ARHGAP39: variants seen among roughly 807,000 people sequenced by gnomAD.
ARHGAP39 encodes the protein Rho GTPase activating protein 39, also known as rho GTPase-activating protein 39.
Under a neutral mutation model 106.9 loss-of-function variants are expected in ARHGAP39, and 44 were observed. That is an observed-to-expected ratio of 0.41 (90% confidence interval 0.32 to 0.53). ARHGAP39 has a LOEUF of 0.53. ARHGAP39 is among the 20% of genes least tolerant of loss of function. The probability of loss-of-function intolerance (pLI) is 0.21; values close to 1 mark genes in which losing one functional copy is unlikely to be tolerated. For synonymous variants in ARHGAP39, 768 were observed against 693.2 expected (o/e 1.11, Z -1.69); for missense variants, 1,496 against 1,577.3 (o/e 0.95, Z 0.87).
intron 2 of ARHGAP39, among the ~76,000 whole-genome samples, chr8:144,581,670 C>T (rs2130901717): frequency 6.6e-6 from 1 of 152,344 alleles, no homozygotes; most frequent in African/African-American, 2.4e-5. Flanking sequence ...TCCGCTGCAA[C>T]TGGACCGCCA....
intron 1 of ARHGAP39, among the ~76,000 whole-genome samples, chr8:144,677,909 G>A (rs972866715): frequency 5.3e-5 from 8 of 152,148 alleles, no homozygotes; most frequent in Admixed American, 5.2e-4. Flanking sequence ...GAGAATCTGT[G>A]AGAATCAAGA....
chr8:144,539,416 C>T (rs61434802), intron 6 of ARHGAP39, among the ~76,000 whole-genome samples: 4,211 of 152,190 alleles, frequency 0.028, 191 homozygotes, highest in African/African-American at 0.097. Flanking sequence ...TTGACGAAGT[C>T]CAATTTATCC....
chr8:144,605,317 G>A (rs1820242398), intron 2 of ARHGAP39, among the ~76,000 whole-genome samples: 1 of 152,166 alleles, frequency 6.6e-6, no homozygotes, highest in Admixed American at 6.5e-5. Context: ...AGAGAAAAAC[G>A]ACGAATCATG....
At chr8:144,624,580 T>C (rs1315331379) in intron 1 of ARHGAP39, among the ~76,000 whole-genome samples, 121 of 122,398 alleles carry the variant, frequency 9.9e-4, no homozygotes, top group East Asian at 6.4e-3. Flanking sequence ...CACGGAGCAC[T>C]CACTGCACAC....
intron 6 of ARHGAP39, among the ~76,000 whole-genome samples, chr8:144,539,867 A>G (rs1465093370): frequency 6.6e-6 from 1 of 152,218 alleles, no homozygotes; most frequent in Non-Finnish European, 1.5e-5. Context: ...GGTTTTGGCT[A>G]TTCTAGGTCC....
chr8:144,688,526 G>A (rs777265522), upstream of ARHGAP39, among the ~76,000 whole-genome samples: 13 of 152,206 alleles, frequency 8.5e-5, no homozygotes, highest in Admixed American at 4.6e-4. Context: ...GTGGAGGAAC[G>A]CTTGAGATCA....
intron 1 of ARHGAP39, among the ~76,000 whole-genome samples, chr8:144,624,094 C>T (rs1422271782): frequency 6.6e-6 from 1 of 152,198 alleles, no homozygotes; most frequent in African/African-American, 2.4e-5. Context: ...CACCAGCACG[C>T]AGGCCTCCCG....
At chr8:144,612,102 C>T (rs1197088407) in intron 1 of ARHGAP39, among the ~76,000 whole-genome samples, 1 of 152,232 alleles carries the variant, frequency 6.6e-6, no homozygotes, top group Non-Finnish European at 1.5e-5. Flanking sequence ...CACTGCACTC[C>T]AGACAGGGCA....
chr8:144,652,457 C>A (rs1300962782), intron 1 of ARHGAP39, among the ~76,000 whole-genome samples: 1 of 152,124 alleles, frequency 6.6e-6, no homozygotes, highest in Non-Finnish European at 1.5e-5. Context: ...GATACATGCA[C>A]ATGAATGTTC....
intron 10 of ARHGAP39, 92 bp downstream of exon 10, chr8:144,532,213 A>G: frequency 1.9e-6 from 2 of 1,065,364 alleles, no homozygotes; most frequent in Non-Finnish European, 2.8e-6. Context: ...ACTGGGCAGG[A>G]TCAGGGTGGA....
At chr8:144,661,687 T>C (rs1821826286) in intron 1 of ARHGAP39, among the ~76,000 whole-genome samples, 1 of 152,098 alleles carries the variant, frequency 6.6e-6, no homozygotes, top group Non-Finnish European at 1.5e-5. Context: ...TACAAATGAA[T>C]GAATGAACGA....
At chr8:144,695,158 T>C in the ARHGAP39 span, among the ~76,000 whole-genome samples, 3 of 144,128 alleles carry the variant, frequency 2.1e-5, no homozygotes, top group African/African-American at 7.8e-5. Context: ...TACTGCAAGC[T>C]CCGCCTCCCG....
intron 1 of ARHGAP39, among the ~76,000 whole-genome samples, chr8:144,665,165 C>T (rs1821931131): frequency 6.6e-6 from 1 of 152,200 alleles, no homozygotes; most frequent in Non-Finnish European, 1.5e-5. Flanking sequence ...CATTTTGCCC[C>T]TGCCCTAGAG....
At chr8:144,617,351 G>A (rs1342377791) in intron 1 of ARHGAP39, among the ~76,000 whole-genome samples, 1 of 152,144 alleles carries the variant, frequency 6.6e-6, no homozygotes, top group Non-Finnish European at 1.5e-5. Flanking sequence ...CGGGACAAGC[G>A]GCGCAGCACC....
chr8:144,596,093 C>CA (rs1819610691), intron 2 of ARHGAP39, among the ~76,000 whole-genome samples: 2 of 152,206 alleles, frequency 1.3e-5, no homozygotes. Context: ...ACAAAGGAGA[C>CA]AGAGGCCCCG....
intron 1 of ARHGAP39, among the ~76,000 whole-genome samples, chr8:144,677,127 T>G (rs1822263163): frequency 6.6e-6 from 1 of 152,376 alleles, no homozygotes; most frequent in Non-Finnish European, 1.5e-5. Flanking sequence ...TTCCTTTTAT[T>G]GCCAAATAAT....
intron 1 of ARHGAP39, among the ~76,000 whole-genome samples, chr8:144,657,547 C>G (rs564368373): frequency 6.6e-6 from 1 of 152,166 alleles, no homozygotes; most frequent in Non-Finnish European, 1.5e-5. Flanking sequence ...ACAAAGAAAA[C>G]TACAGACCAA....
rs767156836 is a variant in ARHGAP39, at chr8:144,555,661, G to A, written c.513-18C>T. On this transcript the variant is annotated intron_variant, in intron 3 of 11. Coordinates refer to ENST00000377307, the MANE Select transcript of ARHGAP39 (RefSeq NM_025251.3). ...GTGAAGAGCTGAAACACAGTAAAAT[G>A]AAAGAAATATGAATATAAGTGCAAT... is the stretch of plus-strand genomic sequence containing the variant. 7 of 1,603,712 alleles carry A rather than the reference G, an allele frequency of 4.4e-6. No homozygotes were observed. In the Admixed American group the frequency reaches 1.2e-4, roughly 27 times the overall value.
In ARHGAP39 at chr8:144,545,278, C is replaced by T. The variant is rs993549396; in HGVS notation, c.2492G>A (p.Arg831Gln). Residue 831 changes from arginine to glutamine, a missense_variant, in exon 6 of 12, where the codon CGG becomes CAG. By Grantham distance (43) the Arg-to-Gln change is conservative. Transcript: ENST00000377307. ...AGTGTCATTGACGGGGTCCATGTGC[C>T]GGTAGATGTAGCCTTCCAGGTAGGA... ...FHSYLEGYIYRHMDPVNDTKV... is the reference protein window; with the variant it reads ...FHSYLEGYIYQHMDPVNDTKV... The T allele has an allele frequency of 1.0e-5, 16 of 1,556,598 alleles. No homozygotes were observed. The highest frequency in any genetic ancestry group is 8.2e-5 in the African/African-American group (6 of 73,202).
Sources: gnomAD v4.1 joint callset for allele counts (sites outside exome capture counted in the v4.1 genomes callset) on GRCh38, gnomAD v4.1.1 for gene constraint, MANE v1.5 for transcripts, NCBI Gene and HGNC (gene_info 2026-07-23, HGNC 2026-07-21) for gene names.